NLGN3: variants seen among roughly 807,000 people sequenced by gnomAD.
NLGN3 encodes the protein neuroligin-3.
A neutral mutation model predicts 42.9 loss-of-function variants in NLGN3; 11 were observed. That is an observed-to-expected ratio of 0.26 (90% CI 0.16 to 0.42). NLGN3 has a LOEUF of 0.42. Among genes scored for constraint, NLGN3 ranks in the 10% least tolerant of loss-of-function variants. The pLI is 1.00. For missense variants in NLGN3, 374 were observed against 733.8 expected (o/e 0.51, Z 5.67); for synonymous variants, 279 against 312.7 (o/e 0.89, Z 1.14).
chrX:71,172,786 C>T (rs941705336), downstream of NLGN3, among the ~76,000 whole-genome samples: 4 of 110,805 alleles, frequency 3.6e-5, no homozygotes, highest in Non-Finnish European at 5.7e-5. Context: ...ACCTGTTCTC[C>T]GTTTCTTTTG....
chrX:71,172,372 T>C (rs148097589), downstream of NLGN3, among the ~76,000 whole-genome samples: 1 of 111,193 alleles, frequency 9.0e-6, no homozygotes, highest in African/African-American at 3.3e-5. Context: ...ATTTATTTTA[T>C]AGTTGAGGAA....
chrX:71,158,544 C>T (rs1222219247), intron 5 of NLGN3, among the ~76,000 whole-genome samples: 1 of 112,199 alleles, frequency 8.9e-6, no homozygotes, highest in African/African-American at 3.2e-5. Flanking sequence ...AAAATATAAA[C>T]ACAATGCTCC....
chrX:71,166,858 C>T (rs1007981472), intron 6 of NLGN3, among the ~76,000 whole-genome samples, 153 bp from the exon 7 acceptor site: 1 of 112,166 alleles, frequency 8.9e-6, no homozygotes, highest in Non-Finnish European at 1.9e-5. Context: ...TCAGCAACCC[C>T]TCCTTTGGCC....
intron 1 of NLGN3, 115 bp downstream of exon 1, chrX:71,145,079 A>C (rs2092360946): frequency 1.8e-5 from 1 of 57,125 alleles, no homozygotes; most frequent in African/African-American, 6.9e-5. Context: ...CATCCCTCTC[A>C]ACCCCATGTT....
rs2092466393 is a variant in NLGN3, at chrX:71,170,156, T to TGCAC, written c.*60_*63dup. 8.6e-7 allele frequency: 1 copy of TGCAC among 1,165,013 alleles called. No homozygotes were observed. The highest frequency in any genetic ancestry group is 1.1e-6 in the Non-Finnish European group (1 of 880,640). On this transcript the variant is annotated 3_prime_UTR_variant, in exon 8 of 8. Transcript: ENST00000358741. ...CCTCCCTCCCAGATCCAGGAACACA[T>TGCAC]GCACACACACACACACACACACGCA...
Position 71,147,854 on chromosome X carries a change from C to T in NLGN3, c.105C>T (p.Ala35=), listed in dbSNP as rs762316234. The T allele has an allele frequency of 2.6e-5, 31 of 1,206,302 alleles. No homozygotes were observed. The highest frequency in any genetic ancestry group is 3.4e-5 in the Non-Finnish European group (30 of 893,184). The part of the protein sequence containing the change: ...TLWFLSLALR[A]STQAPAPTVN... Reference sequence around the variant, plus strand: ...GGTTCCTCAGTTTGGCGCTGAGGGCCAGTACCCAGGCCCCAGCACCCACAG... The same window carrying T: ...GGTTCCTCAGTTTGGCGCTGAGGGCTAGTACCCAGGCCCCAGCACCCACAG... The change falls in exon 2 of 8, where the codon GCC becomes GCT. Residue 35 remains alanine, a synonymous_variant. Transcript: ENST00000358741.
chrX:71,146,153 T>A (rs191966654), intron 1 of NLGN3, among the ~76,000 whole-genome samples: 1,225 of 26,036 alleles, frequency 0.047, 36 homozygotes, highest in Middle Eastern at 0.079. Flanking sequence ...TCTCTCTCTC[T>A]CACACACACA....
intron 5 of NLGN3, among the ~76,000 whole-genome samples, chrX:71,159,275 C>T (rs1228626030): frequency 1.8e-5 from 2 of 108,935 alleles, no homozygotes; most frequent in East Asian, 2.9e-4. Flanking sequence ...GAGCCAAGAT[C>T]GTGCCACTGC....
chrX:71,164,081 G>A (rs996561639), intron 5 of NLGN3, 62 bp from the exon 6 acceptor site: 11 of 1,112,900 alleles, frequency 9.9e-6, no homozygotes, highest in South Asian at 5.6e-5. Flanking sequence ...CCTGCCTGCC[G>A]TCATCACCCA....
Position 71,169,891 on chromosome X carries a change from C to A in NLGN3, c.2341C>A (p.His781Asn), listed in dbSNP as rs1457827116. Residue 781 changes from histidine (H) to asparagine (N), a missense_variant, in exon 8 of 8, where the codon CAT becomes AAT. This residue lies in a region of NLGN3 where 92 missense variants were observed against 108.0 expected (regional missense o/e 0.85). Transcript: ENST00000358741. ...CCACGAGTGTGAGGCCGGTCCCCCC[C>A]ATGACACGCTGCGCCTCACTGCATT... ...THHECEAGPP[H>N]DTLRLTALPD... The A allele has an allele frequency of 2.5e-6, 3 of 1,197,167 alleles. No homozygotes were observed. Among genetic ancestry groups the A allele is most frequent in the South Asian group, 1.8e-5 (1 of 55,196 alleles).
Position 71,170,485 on chromosome X carries a change from G to T in NLGN3, c.*388G>T. The T allele has an allele frequency of 1.1e-6, 1 of 878,586 alleles. No individual in the cohort carries two copies. The highest frequency in any genetic ancestry group is 1.4e-6 in the Non-Finnish European group (1 of 716,585). 72.4% of individuals were successfully genotyped at this position (878,586 alleles called of 1,213,427 possible). On this transcript the variant is annotated 3_prime_UTR_variant, in exon 8 of 8. Transcript: ENST00000358741. ...CGGCCTCTCTTGGAACTGCACCACC[G>T]ACCAACTCCAGACTTGGGAGCTTTA...
At chrX:71,158,100 C>G (rs901117987) in intron 5 of NLGN3, among the ~76,000 whole-genome samples, 1 of 109,046 alleles carries the variant, frequency 9.2e-6, no homozygotes, top group Admixed American at 9.9e-5. Flanking sequence ...ATTTTTGAGA[C>G]AGAGTCTCAC....
At position 71,170,891 on chromosome X, in the gene NLGN3, A is replaced by C. The variant is rs2092469456; in HGVS notation, c.*794A>C. 2 of 753,223 alleles carry C rather than the reference A, an allele frequency of 2.7e-6. No homozygotes were observed. The highest frequency in any genetic ancestry group is 2.3e-5 in the African/African-American group (1 of 43,255). 62.1% of individuals were successfully genotyped at this position (753,223 alleles called of 1,213,427 possible). ...AGGCCAACAGCATTGGCCTGGCCAGACCAGGTGACCTTAGATTTGGTGAAC... is the reference window on the plus strand; with the variant it reads ...AGGCCAACAGCATTGGCCTGGCCAGCCCAGGTGACCTTAGATTTGGTGAAC... On this transcript the variant is annotated 3_prime_UTR_variant, in exon 8 of 8. Coordinates refer to ENST00000358741, the MANE Select transcript of NLGN3 (RefSeq NM_181303.2).
intron 5 of NLGN3, among the ~76,000 whole-genome samples, chrX:71,156,084 CG>C (rs762570265): frequency 1.6e-4 from 18 of 110,515 alleles, no homozygotes; most frequent in Non-Finnish European, 3.2e-4. Flanking sequence ...CCGATACCCA[CG>C]ATGCATACAC....
At chrX:71,171,260 G>A, downstream of NLGN3, 1 of 737,604 alleles carries the variant, frequency 1.4e-6, no homozygotes, top group Admixed American at 8.9e-5. Context: ...GCCTCTGCGG[G>A]CTGGGAATCA....
chrX:71,153,366 C>T (rs2233440), intron 3 of NLGN3, 111 bp from the exon 4 acceptor site: 122,605 of 789,370 alleles, frequency 0.16, 6,870 homozygotes, highest in South Asian at 0.25. Flanking sequence ...GTCCTGGGCC[C>T]AGGCCCGGAG....
At position 71,171,179 on chromosome X, in the gene NLGN3, A is replaced by T; in HGVS notation, c.*1082A>T. ...AACACAGTGTCTTGATATAAAAATA[A>T]AAAATCCAGTTAGCACTCCCAACCT... On this transcript the variant is annotated 3_prime_UTR_variant, in exon 8 of 8. Transcript: ENST00000358741. 2.7e-6 allele frequency: 2 copies of T among 753,412 alleles called. No individual in the cohort carries two copies. Among genetic ancestry groups the T allele is most frequent in the Non-Finnish European group, 3.1e-6 (2 of 638,990 alleles). 62.1% of individuals were successfully genotyped at this position (753,412 alleles called of 1,213,427 possible).
chrX:71,149,770 G>A (rs1319820279), intron 3 of NLGN3, among the ~76,000 whole-genome samples: 4 of 110,823 alleles, frequency 3.6e-5, no homozygotes, highest in Non-Finnish European at 7.5e-5. Flanking sequence ...CCTTCAGGGC[G>A]TGTTCTTTCC....
In NLGN3 at chrX:71,170,104, C is replaced by T. The variant is rs777753955; in HGVS notation, c.*7C>T. ...CTCCACTACCCGGGTATAGCTCCAACTCAGAGCACAGCCAATCTCCAGGCT... is the reference window on the plus strand; with the variant it reads ...CTCCACTACCCGGGTATAGCTCCAATTCAGAGCACAGCCAATCTCCAGGCT... On this transcript the variant is annotated 3_prime_UTR_variant, in exon 8 of 8. Coordinates refer to ENST00000358741, the MANE Select transcript of NLGN3 (RefSeq NM_181303.2). The T allele has an allele frequency of 3.3e-6, 4 of 1,206,073 alleles. No homozygotes were observed. In the Admixed American group the frequency reaches 6.6e-5, roughly 20 times the overall value.
Sources: gnomAD v4.1 joint callset for allele counts (sites outside exome capture counted in the v4.1 genomes callset) on GRCh38, gnomAD v4.1.1 for gene constraint, gnomAD v4.1.1 regional missense constraint, MANE v1.5 for transcripts, NCBI Gene and HGNC (gene_info 2026-07-23, HGNC 2026-07-21) for gene names.